CAPN9: variants seen among roughly 807,000 people sequenced by gnomAD.
CAPN9 encodes calpain 9.
A neutral mutation model predicts 92.8 loss-of-function variants in CAPN9; 81 were observed. The ratio of observed to expected loss-of-function variants is 0.87; its 90% CI spans 0.73 to 1.05. CAPN9 has a LOEUF of 1.05. Ranked by LOEUF, CAPN9 falls within the 50% of genes least tolerant of loss-of-function variation. CAPN9 has a pLI of 0.00. For synonymous variants in CAPN9, 304 were observed against 328.0 expected (o/e 0.93, Z 0.79); for missense variants, 848 against 866.2 (o/e 0.98, Z 0.26).
Position 230,774,623 on chromosome 1 carries a change from G to C in CAPN9, c.945G>C (p.Gly315=). ...KRLCHTALDD[G]EFWMAFKDFK... ...TGTGTCACACTGCTCTGGATGATGG[G>C]GAATTCTGGTACCGTGCTTGTTCCT... The change falls in exon 8 of 20, where the codon GGG becomes GGC. Residue 315 remains glycine, a synonymous_variant. Transcript: ENST00000271971. 6.2e-7 allele frequency: 1 copy of C among 1,613,318 alleles called. No homozygotes were observed. Among genetic ancestry groups the C allele is most frequent in the Non-Finnish European group, 8.5e-7 (1 of 1,179,272 alleles).
chr1:230,773,896 C>T (rs564903240), intron 7 of CAPN9, among the ~76,000 whole-genome samples: 3 of 152,264 alleles, frequency 2.0e-5, no homozygotes, highest in African/African-American at 4.8e-5. Context: ...CTGTGGGAGT[C>T]ACAGAAAATG....
At chr1:230,775,761 C>CA (rs1291429757) in intron 8 of CAPN9, among the ~76,000 whole-genome samples, 1 of 151,942 alleles carries the variant, frequency 6.6e-6, no homozygotes, top group Non-Finnish European at 1.5e-5. Flanking sequence ...GCTAAAAATA[C>CA]AAAAAATTAG....
intron 17 of CAPN9, among the ~76,000 whole-genome samples, chr1:230,793,350 G>A (rs28359719): frequency 5.3e-4 from 81 of 152,302 alleles, no homozygotes; most frequent in Non-Finnish European, 1.1e-3. Context: ...CCCATGGTTT[G>A]GGGTCCGCAC....
In CAPN9 at chr1:230,751,643, GAAAGAAAGAAAGAAAGAAAGAAAGAA is replaced by G. The variant is rs1558080130; in HGVS notation, c.214-3692_214-3667del. Among the ~76,000 whole-genome samples, 17 of 101,072 alleles carry G rather than the reference GAAAGAAAGAAAGAAAGAAAGAAAGAA, an allele frequency of 1.7e-4. 2 individuals carry two copies. The highest frequency in any genetic ancestry group is 3.0e-4 in the South Asian group (1 of 3,288). 66.3% of individuals were successfully genotyped at this position (101,072 alleles called of 152,430 possible). ...AGAAAGAAAGAAAGAAAGAAAGAAA[GAAAGAAAGAAAGAAAGAAAGAAAGAA>G]AGAAAGAAAGAAAGAAGGGTGGCTT... On this transcript the variant is annotated intron_variant, in intron 1 of 19. Coordinates refer to ENST00000271971, the MANE Select transcript of CAPN9 (RefSeq NM_006615.3).
At chr1:230,801,013 C>T (rs915662804) in intron 19 of CAPN9, among the ~76,000 whole-genome samples, 1 of 152,182 alleles carries the variant, frequency 6.6e-6, no homozygotes, top group Non-Finnish European at 1.5e-5. Context: ...AAAACCATCT[C>T]ATATAATCAC....
At chr1:230,784,099 A>G (rs547941457) in intron 11 of CAPN9, among the ~76,000 whole-genome samples, 1 of 152,372 alleles carries the variant, frequency 6.6e-6, no homozygotes, top group South Asian at 2.1e-4. Context: ...GCAGCAAAGC[A>G]TTCAGGATGT....
chr1:230,795,820 T>C (rs1294477748), intron 18 of CAPN9, among the ~76,000 whole-genome samples: 3 of 152,132 alleles, frequency 2.0e-5, no homozygotes, highest in Non-Finnish European at 4.4e-5. Flanking sequence ...TGTAACTCAG[T>C]ACTGGAGTGG....
intron 4 of CAPN9, among the ~76,000 whole-genome samples, chr1:230,765,428 G>A (rs185903029): frequency 6.6e-6 from 1 of 152,290 alleles, no homozygotes; most frequent in African/African-American, 2.4e-5. Flanking sequence ...GGAGGCCGAA[G>A]TAGGTGGATC....
chr1:230,755,607 T>C (rs1665173788), intron 2 of CAPN9, among the ~76,000 whole-genome samples: 1 of 152,196 alleles, frequency 6.6e-6, no homozygotes, highest in Non-Finnish European at 1.5e-5. Context: ...GAGTCAGACA[T>C]GCCTGTGATG....
At chr1:230,774,745 T>TCTTTC (rs1390759205) in intron 8 of CAPN9, 114 bp downstream of exon 8, 191 of 655,900 alleles carry the variant, frequency 2.9e-4, no homozygotes, top group Middle Eastern at 1.2e-3. Context: ...CTTTCTTTTT[T>TCTTTC]TTTTTTTTTT....
intron 2 of CAPN9, among the ~76,000 whole-genome samples, chr1:230,757,066 A>G (rs1355812446): frequency 3.7e-5 from 1 of 26,992 alleles, no homozygotes; most frequent in Non-Finnish European, 1.1e-4. Context: ...GGAAGGAAGG[A>G]AAGGAGAAAA....
chr1:230,786,053 C>T (rs1387805607), intron 12 of CAPN9, 36 bp downstream of exon 12: 1 of 1,611,314 alleles, frequency 6.2e-7, no homozygotes, highest in South Asian at 1.1e-5. Flanking sequence ...GTATGGGATT[C>T]AGGTGATGGT....
chr1:230,796,149 C>T (rs1668340376), intron 18 of CAPN9, among the ~76,000 whole-genome samples: 1 of 150,958 alleles, frequency 6.6e-6, no homozygotes. Context: ...CATAGCGAAA[C>T]TTTGTCTCTA....
intron 19 of CAPN9, among the ~76,000 whole-genome samples, chr1:230,798,760 A>T (rs1185293010): frequency 1.3e-5 from 2 of 152,190 alleles, no homozygotes; most frequent in African/African-American, 4.8e-5. Context: ...TCCCCAGAGG[A>T]TCCCAGTGGA....
chr1:230,747,627 A>C lies in CAPN9; in HGVS notation c.131A>C (p.Glu44Ala). 1 of 1,614,162 alleles carries C rather than the reference A, an allele frequency of 6.2e-7. No individual in the cohort carries two copies. Among genetic ancestry groups the C allele is most frequent in the East Asian group, 2.2e-5 (1 of 44,870 alleles). The change falls in exon 1 of 20, where the codon GAG (glutamate) becomes GCG (alanine). Residue 44 changes from glutamate (E) to alanine (A), a missense_variant. By Grantham distance (107) the Glu-to-Ala change is moderately radical. Coordinates refer to ENST00000271971, the MANE Select transcript of CAPN9 (RefSeq NM_006615.3). ...QECLQRGTLF[E>A]DADFPASNSS... The stretch of plus-strand genomic sequence containing the variant: ...TGCCTGCAGAGAGGCACCCTGTTTG[A>C]GGATGCAGACTTCCCAGCCAGCAAT...
chr1:230,794,946 G>T (rs771386271), intron 17 of CAPN9, among the ~76,000 whole-genome samples: 1 of 152,140 alleles, frequency 6.6e-6, no homozygotes, highest in Non-Finnish European at 1.5e-5. Flanking sequence ...AGAGTCCCCC[G>T]CACACTCGCC....
intron 4 of CAPN9, among the ~76,000 whole-genome samples, chr1:230,763,728 C>A (rs992751170): frequency 1.3e-5 from 2 of 152,148 alleles, no homozygotes; most frequent in Non-Finnish European, 2.9e-5. Flanking sequence ...ATAAAAGTGG[C>A]AAAATAGAGG....
rs145939347 is a variant in CAPN9, at chr1:230,795,221, G to T, written c.1929G>T (p.Glu643Asp). The T allele has an allele frequency of 2.5e-3, 3,996 of 1,613,648 alleles. 24 individuals carry two copies. The highest frequency in any genetic ancestry group is 0.011 in the Middle Eastern group (65 of 5,904). The change falls in exon 18 of 20, where the codon GAG becomes GAT. Residue 643 changes from glutamate to aspartate, a missense_variant. Coordinates refer to ENST00000271971, the MANE Select transcript of CAPN9 (RefSeq NM_006615.3). ...TTGTGCTCAGGTATGCGGATGAGGAGCTCCAGCTGGACTTCGATGACTTCC... is the reference window on the plus strand; with the variant it reads ...TTGTGCTCAGGTATGCGGATGAGGATCTCCAGCTGGACTTCGATGACTTCC... The part of the protein sequence containing the change: ...QLIVLRYADE[E>D]LQLDFDDFLN...
chr1:230,765,941 C>T (rs556071431), intron 4 of CAPN9, among the ~76,000 whole-genome samples: 2 of 152,258 alleles, frequency 1.3e-5, no homozygotes, highest in East Asian at 3.9e-4. Context: ...AGTGGAGACA[C>T]CTGACTAACA....
Sources: gnomAD v4.1 joint callset for allele counts (sites outside exome capture counted in the v4.1 genomes callset) on GRCh38, gnomAD v4.1.1 for gene constraint, MANE v1.5 for transcripts, NCBI Gene and HGNC (gene_info 2026-07-23, HGNC 2026-07-21) for gene names.